The following IL1R1 variants were observed in gnomAD, a reference collection of about 807,000 sequenced individuals.
IL1R1 encodes the protein interleukin 1 receptor type 1.
In IL1R1, 22 loss-of-function variants were observed where a neutral mutation model predicts 50.2. That is an observed-to-expected ratio of 0.44 (90% CI 0.31 to 0.63). The LOEUF is 0.63. IL1R1 is among the 20% of genes least tolerant of loss of function. The probability of loss-of-function intolerance (pLI) is 0.07; values close to 1 mark genes in which losing one functional copy is unlikely to be tolerated. For synonymous variants in IL1R1, 251 were observed against 236.7 expected, an observed-to-expected ratio of 1.06 and a Z score of -0.55; for missense variants, 509 against 676.2, an observed-to-expected ratio of 0.75 and a Z score of 2.74.
chr2:102,155,624 T>A (rs1027437574), intron 2 of IL1R1, among the ~76,000 whole-genome samples: 4 of 152,138 alleles, frequency 2.6e-5, no homozygotes, highest in Non-Finnish European at 5.9e-5. Flanking sequence ...GTCCTGGGGA[T>A]TGACATGGAT....
intron 1 of IL1R1, among the ~76,000 whole-genome samples, chr2:102,105,042 A>G (rs1294304477): frequency 6.6e-6 from 1 of 152,184 alleles, no homozygotes; most frequent in East Asian, 1.9e-4. Context: ...TTGAAGTTAT[A>G]TGGCTCTGTA....
chr2:102,113,529 G>A (rs1680897017), intron 1 of IL1R1, among the ~76,000 whole-genome samples: 1 of 152,212 alleles, frequency 6.6e-6, no homozygotes, highest in African/African-American at 2.4e-5. Context: ...GAATATTGAT[G>A]TGGCTTCCCT....
intron 1 of IL1R1, among the ~76,000 whole-genome samples, chr2:102,116,101 C>T (rs186218701): frequency 6.6e-6 from 1 of 152,350 alleles, no homozygotes; most frequent in Admixed American, 6.5e-5. Context: ...GCAGTATCTT[C>T]AACTTTGCAT....
At position 102,078,599 on chromosome 2, in the gene IL1R1, CAA is replaced by C. The variant is rs1491383906; in HGVS notation, c.-84+8067_-84+8068del. Among the ~76,000 whole-genome samples, 265 of 139,122 alleles carry C rather than the reference CAA, an allele frequency of 1.9e-3. 2 individuals are homozygous for C. The highest frequency in any genetic ancestry group is 5.0e-3 in the African/African-American group (185 of 37,264). 91.3% of individuals were successfully genotyped at this position (139,122 alleles called of 152,430 possible). ...ACACACACACACACACACACACACA[CAA>C]GAAAAAAAAAAGGAAAAAAGCCCAT... On this transcript the variant is annotated intron_variant, in intron 1 of 11. Transcript: ENST00000409929.
chr2:102,156,873 A>G (rs1684243921), intron 2 of IL1R1, among the ~76,000 whole-genome samples: 1 of 152,220 alleles, frequency 6.6e-6, no homozygotes, highest in African/African-American at 2.4e-5. Context: ...TGTCATTAGA[A>G]TCTGAATGAG....
chr2:102,170,377 A>G (rs1414045501), intron 7 of IL1R1, among the ~76,000 whole-genome samples: 1 of 152,214 alleles, frequency 6.6e-6, no homozygotes, highest in Non-Finnish European at 1.5e-5. Flanking sequence ...TGTAACCACT[A>G]TTACTGAGCA....
At chr2:102,110,070 A>G (rs1476552306) in intron 1 of IL1R1, among the ~76,000 whole-genome samples, 1 of 152,188 alleles carries the variant, frequency 6.6e-6, no homozygotes, top group Non-Finnish European at 1.5e-5. Flanking sequence ...ACACAATTTA[A>G]AAGGTGAAAG....
Position 102,116,127 on chromosome 2 carries a change from G to A in IL1R1, c.-84+11255G>A, listed in dbSNP as rs935694757. Among the ~76,000 whole-genome samples, 7 of 152,342 alleles carry A rather than the reference G, an allele frequency of 4.6e-5. No homozygotes were observed. The East Asian group carries it at 5.8e-4, about 13-fold the overall frequency. ...AACTTTGCATTGACAAGGTGGGTGCGTTGCACTGGGTCGAGATGGTTCAGA... is the reference window on the plus strand; with the variant it reads ...AACTTTGCATTGACAAGGTGGGTGCATTGCACTGGGTCGAGATGGTTCAGA... On this transcript the variant is annotated intron_variant, in intron 1 of 10. Coordinates refer to the IL1R1 transcript ENST00000409329.
chr2:102,164,112 C>A (rs1194283602), intron 3 of IL1R1, among the ~76,000 whole-genome samples: 4 of 152,108 alleles, frequency 2.6e-5, no homozygotes, highest in Non-Finnish European at 5.9e-5. Context: ...AGCCTTGGGT[C>A]ATTTTCTTAT....
intron 1 of IL1R1, among the ~76,000 whole-genome samples, chr2:102,086,749 C>G (rs992719572): frequency 2.0e-5 from 3 of 152,124 alleles, no homozygotes; most frequent in African/African-American, 7.2e-5. Context: ...TATCTAGCCT[C>G]CCTTTCTCTC....
chr2:102,099,845 G>A (rs1000104819), upstream of IL1R1, among the ~76,000 whole-genome samples: 1 of 152,186 alleles, frequency 6.6e-6, no homozygotes, highest in Non-Finnish European at 1.5e-5. Flanking sequence ...CTAAGAATGG[G>A]ATTTTAGATT....
upstream of IL1R1, among the ~76,000 whole-genome samples, chr2:102,139,090 G>A (rs1682500761): frequency 6.6e-6 from 1 of 152,084 alleles, no homozygotes; most frequent in Non-Finnish European, 1.5e-5. Context: ...GGGGTGGTGG[G>A]GCTAAAGTGG....
chr2:102,109,606 A>G (rs1680628838), intron 1 of IL1R1, among the ~76,000 whole-genome samples: 3 of 152,194 alleles, frequency 2.0e-5, no homozygotes, highest in Admixed American at 6.5e-5. Flanking sequence ...CTCAGCCACA[A>G]CAACCCCTCA....
At chr2:102,146,487 C>T (rs540341798) in intron 1 of IL1R1, among the ~76,000 whole-genome samples, 89 of 152,190 alleles carry the variant, frequency 5.8e-4, no homozygotes, top group South Asian at 2.1e-3. Context: ...GTGAGGTGAG[C>T]CATTGCTTTC....
Position 102,176,513 on chromosome 2 carries a change from T to G in IL1R1, c.1464T>G (p.Leu488=). 6.2e-7 allele frequency: 1 copy of G among 1,614,188 alleles called. No individual in the cohort carries two copies. Among genetic ancestry groups the G allele is most frequent in the Non-Finnish European group, 8.5e-7 (1 of 1,180,042 alleles). Residue 488 remains leucine (L), a synonymous_variant, in exon 12 of 12, where the codon CTT becomes CTG. Coordinates refer to ENST00000410023, the MANE Select transcript of IL1R1 (RefSeq NM_000877.4). ...AGGATGGAATTAAAGTTGTCCTGCTTGAGCTGGAGAAAATCCAAGACTATG... is the reference window on the plus strand; with the variant it reads ...AGGATGGAATTAAAGTTGTCCTGCTGGAGCTGGAGAAAATCCAAGACTATG... ...LVQDGIKVVL[L]ELEKIQDYEK...
chr2:102,121,163 G>C (rs966466001), intron 1 of IL1R1, among the ~76,000 whole-genome samples: 1 of 152,156 alleles, frequency 6.6e-6, no homozygotes, highest in South Asian at 2.1e-4. Flanking sequence ...CCTGTGCACT[G>C]TATGCCATTG....
At chr2:102,129,081 C>T (rs891609981) in intron 1 of IL1R1, among the ~76,000 whole-genome samples, 4 of 151,942 alleles carry the variant, frequency 2.6e-5, no homozygotes, top group African/African-American at 9.7e-5. Context: ...TGTGGTGGTC[C>T]AGGCCTGTAG....
rs984935341 is a variant in IL1R1, at chr2:102,172,290, T to C, written c.839+372T>C. On this transcript the variant is annotated intron_variant, in intron 8 of 11. Transcript: ENST00000410023. ...CTGCTCTCGAAAGCCTCTACTGGTT[T>C]CCTACTGCTCATCTATGGGACAAGG... 4 of 985,216 alleles carry C rather than the reference T, an allele frequency of 4.1e-6. No individual in the cohort carries two copies. In the African/African-American group the frequency reaches 7.0e-5, roughly 17 times the overall value. The allele number at this position is 985,216 out of a possible 1,614,324, so 61.0% of individuals were successfully genotyped here.
At chr2:102,124,388 C>A (rs1381073630) in intron 1 of IL1R1, among the ~76,000 whole-genome samples, 5 of 152,010 alleles carry the variant, frequency 3.3e-5, no homozygotes, top group East Asian at 1.9e-4. Context: ...CCACTGCACT[C>A]CAGCCTGGGT....
Sources: gnomAD v4.1 joint callset for allele counts (sites outside exome capture counted in the v4.1 genomes callset) on GRCh38, gnomAD v4.1.1 for gene constraint, MANE v1.5 for transcripts, NCBI Gene and HGNC (gene_info 2026-07-23, HGNC 2026-07-21) for gene names.